SHLD1: variants seen among roughly 807,000 people sequenced by gnomAD.
SHLD1 encodes the protein shieldin complex subunit 1, also known as RINN1-REV7-interacting novel NHEJ regulator 3.
Under a neutral mutation model 5.5 loss-of-function variants are expected in SHLD1, and 3 were observed. The ratio of observed to expected loss-of-function variants is 0.54; its 90% CI spans 0.25 to 1.40. The LOEUF is 1.40. Among genes scored for constraint, SHLD1 ranks in the 40% most tolerant of loss-of-function variants. The probability of loss-of-function intolerance (pLI) is 0.15; values close to 1 mark genes in which losing one functional copy is unlikely to be tolerated. For missense variants in SHLD1, 210 were observed against 244.4 expected (o/e 0.86, Z 0.94); for synonymous variants, 92 against 94.3 (o/e 0.98, Z 0.14).
At chr20:5,853,260 A>G (rs1016926036) in intron 2 of SHLD1, among the ~76,000 whole-genome samples, 1 of 152,140 alleles carries the variant, frequency 6.6e-6, no homozygotes, top group Admixed American at 6.5e-5. Flanking sequence ...AGCCTGGCCA[A>G]CATGGCGAAA....
At chr20:5,853,632 T>G (rs1222759207) in intron 2 of SHLD1, among the ~76,000 whole-genome samples, 1 of 152,120 alleles carries the variant, frequency 6.6e-6, no homozygotes, top group Non-Finnish European at 1.5e-5. Context: ...AAACTTTTAT[T>G]ACTGATGTAA....
At chr20:5,798,822 G>C (rs1349282081) in intron 2 of SHLD1, among the ~76,000 whole-genome samples, 3 of 151,674 alleles carry the variant, frequency 2.0e-5, no homozygotes, top group African/African-American at 4.8e-5. Flanking sequence ...GTTTCACCGG[G>C]TTAGCCAGGA....
intron 2 of SHLD1, among the ~76,000 whole-genome samples, chr20:5,779,602 C>G (rs1408740260): frequency 6.6e-6 from 1 of 152,190 alleles, no homozygotes; most frequent in Non-Finnish European, 1.5e-5. Flanking sequence ...ACCTCCAGTT[C>G]CCAAGCCAGT....
intron 1 of SHLD1, among the ~76,000 whole-genome samples, chr20:5,767,881 C>G (rs1470820760): frequency 6.6e-6 from 1 of 152,184 alleles, no homozygotes; most frequent in Non-Finnish European, 1.5e-5. Context: ...GCCAGGCCTT[C>G]CCAGAGCTGG....
intron 2 of SHLD1, among the ~76,000 whole-genome samples, chr20:5,838,746 C>T (rs1568526466): frequency 6.6e-6 from 1 of 152,022 alleles, no homozygotes; most frequent in Admixed American, 6.5e-5. Flanking sequence ...CCACTGCACT[C>T]CAGCCTGGGT....
At chr20:5,764,952 T>C (rs1411041202) in intron 1 of SHLD1, 1 of 152,192 alleles carries the variant, frequency 6.6e-6, no homozygotes, top group African/African-American at 2.4e-5. Context: ...TGTAGAGTAA[T>C]AGAAGAATGG....
intron 2 of SHLD1, among the ~76,000 whole-genome samples, chr20:5,849,701 T>C (rs2087977657): frequency 6.6e-6 from 1 of 152,144 alleles, no homozygotes; most frequent in African/African-American, 2.4e-5. Flanking sequence ...GGCTCACGCC[T>C]GTAATCCCAG....
At chr20:5,841,141 GC>G (rs1276034660) in intron 2 of SHLD1, among the ~76,000 whole-genome samples, 2 of 151,548 alleles carry the variant, frequency 1.3e-5, no homozygotes, top group African/African-American at 4.9e-5. Flanking sequence ...TAATTTCTAT[GC>G]CACATCCATA....
At chr20:5,761,600 T>C (rs1984466378) in intron 1 of SHLD1, among the ~76,000 whole-genome samples, 4 of 125,872 alleles carry the variant, frequency 3.2e-5, no homozygotes, top group Middle Eastern at 4.1e-3. Context: ...ATATTTTTCA[T>C]GTCTTAATTT....
intron 2 of SHLD1, among the ~76,000 whole-genome samples, chr20:5,801,043 AGTT>A (rs1474843569): frequency 6.7e-6 from 1 of 150,260 alleles, no homozygotes; most frequent in African/African-American, 2.4e-5. Flanking sequence ...TCAGAGGGCT[AGTT>A]GTTTAGGGAC....
At chr20:5,823,928 C>G (rs2087636827) in intron 2 of SHLD1, among the ~76,000 whole-genome samples, 1 of 152,206 alleles carries the variant, frequency 6.6e-6, no homozygotes, top group Non-Finnish European at 1.5e-5. Context: ...AAACCCCAGC[C>G]ACCATCTTCC....
At chr20:5,755,642 C>T (rs1396368149) in intron 1 of SHLD1, among the ~76,000 whole-genome samples, 1 of 152,080 alleles carries the variant, frequency 6.6e-6, no homozygotes, top group East Asian at 1.9e-4. Context: ...TCACCACAAC[C>T]TCCGCCTCCC....
chr20:5,851,443 A>T (rs1449718567), intron 2 of SHLD1, among the ~76,000 whole-genome samples: 2 of 151,776 alleles, frequency 1.3e-5, no homozygotes, highest in African/African-American at 4.8e-5. Context: ...GTGATCTATG[A>T]TCATGCCACT....
At chr20:5,776,263 C>T (rs997090815) in intron 2 of SHLD1, among the ~76,000 whole-genome samples, 38 of 152,116 alleles carry the variant, frequency 2.5e-4, no homozygotes, top group Non-Finnish European at 4.9e-4. Context: ...TCACAAATAC[C>T]ATACACTGGG....
intron 2 of SHLD1, among the ~76,000 whole-genome samples, chr20:5,792,833 C>G (rs916165154): frequency 6.6e-6 from 1 of 151,892 alleles, no homozygotes; most frequent in Non-Finnish European, 1.5e-5. Flanking sequence ...GCCAATATGC[C>G]TGGCTGATTT....
chr20:5,844,789 ATATATATATAT>A (rs1489841615), intron 2 of SHLD1, among the ~76,000 whole-genome samples: 1 of 100,238 alleles, frequency 1.0e-5, no homozygotes, highest in Non-Finnish European at 1.8e-5. Flanking sequence ...ATATATATAT[ATATATATATAT>A]TTTTTTTTTT....
intron 1 of SHLD1, among the ~76,000 whole-genome samples, chr20:5,752,490 G>T (rs113952708): frequency 0.024 from 3,669 of 152,076 alleles, 72 homozygotes; most frequent in Non-Finnish European, 0.038. Context: ...TCTGGGAAAG[G>T]CCTAGAAAAG....
rs190269180 is a variant in SHLD1 at position 5,766,530 on chromosome 20, G to A, written c.-4-6332G>A. Among the ~76,000 whole-genome samples the A allele has an allele frequency of 5.1e-3, 769 of 152,200 alleles. 3 individuals are homozygous for A. Among genetic ancestry groups the A allele is most frequent in the Non-Finnish European group, 9.0e-3 (613 of 68,008 alleles). ...GGATGCTGGGAGGACTTTTGGCTGC[G>A]TTCATCCTAGCTTGGCTGCTTTCGA... On this transcript the variant is annotated intron_variant, in intron 1 of 2. Transcript: ENST00000303142.
At chr20:5,764,616 T>C (rs1211387633) in intron 1 of SHLD1, among the ~76,000 whole-genome samples, 1 of 151,794 alleles carries the variant, frequency 6.6e-6, no homozygotes, top group East Asian at 1.9e-4. Flanking sequence ...GGAGGATCAC[T>C]TGAGCCCAGG....
Sources: gnomAD v4.1 joint callset for allele counts (sites outside exome capture counted in the v4.1 genomes callset) on GRCh38, gnomAD v4.1.1 for gene constraint, MANE v1.5 for transcripts, NCBI Gene and HGNC (gene_info 2026-07-23, HGNC 2026-07-21) for gene names.